The following FOXM1 variants were observed in gnomAD, a reference collection of about 807,000 sequenced individuals.
The protein encoded by FOXM1 is forkhead box M1, also known as forkhead box protein M1.
In FOXM1, 25 loss-of-function variants were observed where a neutral mutation model predicts 63.6. The observed-to-expected ratio is 0.39, with a 90% CI of 0.29 to 0.55. The LOEUF (loss-of-function observed/expected upper bound fraction) is 0.55, where lower values mean the gene tolerates loss of function less well. Among genes scored for constraint, FOXM1 ranks in the 20% least tolerant of loss-of-function variants. The pLI is 0.60. For missense variants in FOXM1, 879 were observed against 958.7 expected, an observed-to-expected ratio of 0.92 and a Z score of 1.10; for synonymous variants, 387 against 376.9, an observed-to-expected ratio of 1.03 and a Z score of -0.31.
intron 8 of FOXM1, among the ~76,000 whole-genome samples, chr12:2,863,282 G>A (rs867223002): frequency 1.3e-4 from 20 of 152,328 alleles, no homozygotes; most frequent in Middle Eastern, 3.4e-3. Flanking sequence ...CCCTGAGTTA[G>A]TCTGACCCAG....
rs758695261 is a variant in FOXM1 at position 2,866,488 on chromosome 12, T to C, written c.880A>G (p.Met294Val). 8 of 1,574,076 alleles carry C rather than the reference T, an allele frequency of 5.1e-6. No homozygotes were observed. The highest frequency in any genetic ancestry group is 6.9e-6 in the Non-Finnish European group (8 of 1,162,548). Residue 294 changes from methionine (M) to valine (V), a missense_variant, in exon 5 of 9, where the codon ATG becomes GTG. Physicochemically the swap from Met to Val is conservative, Grantham distance 21. Transcript: ENST00000359843. ...TTGGCAGACGTCTCCCGGACAAACA[T>C]GTCGTGCAGGGAAAGGTTGTGGCGG... ...SIRHNLSLHDMFVRETSANGK... is the reference protein window; with the variant it reads ...SIRHNLSLHDVFVRETSANGK...
In FOXM1 at chr12:2,872,534, G is replaced by A. The variant is rs1028775858; in HGVS notation, c.503-287C>T. Among the ~76,000 whole-genome samples the A allele has an allele frequency of 4.6e-5, 7 of 152,080 alleles. No individual in the cohort carries two copies. Among genetic ancestry groups the A allele is most frequent in the Admixed American group, 1.3e-4 (2 of 15,254 alleles). ...TGAGACAGGAGAATTGCTCGAACCCGGGAGACGAAGGCTGCAGTGAGCCAA... is the reference window on the plus strand; with the variant it reads ...TGAGACAGGAGAATTGCTCGAACCCAGGAGACGAAGGCTGCAGTGAGCCAA... On this transcript the variant is annotated intron_variant, in intron 2 of 8. Transcript: ENST00000359843. This position sits in a 1 kb window ranked among gnomAD's most constrained non-coding sequence, Gnocchi z 4.0.
intron 4 of FOXM1, among the ~76,000 whole-genome samples, chr12:2,867,544 C>T (rs187487996): frequency 6.6e-6 from 1 of 151,992 alleles, no homozygotes; most frequent in African/African-American, 2.4e-5. Flanking sequence ...CGCCTGTAGT[C>T]CCAGCTACTC....
chr12:2,858,385 T>C lies in FOXM1; in HGVS notation c.*253A>G. On this transcript the variant is annotated 3_prime_UTR_variant, in exon 9 of 9. Transcript: ENST00000359843. The stretch of plus-strand genomic sequence containing the variant: ...ACAGGCTGGGGGGTTCCTAATCTCT[T>C]TTCACCATTGCCTTTGTTGTTCCCA... 2.1e-6 allele frequency: 1 copy of C among 474,662 alleles called. No homozygotes were observed. The highest frequency in any genetic ancestry group is 3.8e-6 in the Non-Finnish European group (1 of 266,334). 29.4% of individuals were successfully genotyped at this position (474,662 alleles called of 1,614,324 possible).
intron 4 of FOXM1, chr12:2,868,235 T>C (rs1301368931): frequency 5.3e-6 from 1 of 187,274 alleles, no homozygotes; most frequent in Non-Finnish European, 1.1e-5. Context: ...ATTTTTTTTT[T>C]TAATCAAGAC....
At position 2,868,745 on chromosome 12, in the gene FOXM1, G is replaced by C. The variant is rs1204401834; in HGVS notation, c.664C>G (p.Pro222Ala). 6.2e-7 allele frequency: 1 copy of C among 1,612,234 alleles called. No homozygotes were observed. Among genetic ancestry groups the C allele is most frequent in the East Asian group, 2.2e-5 (1 of 44,860 alleles). ...LEQRQVKVEE[P>A]SRPSASWQNS... The stretch of plus-strand genomic sequence containing the variant: ...TGCCAGGACGCTGATGGTCTCGAAG[G>C]CTCCTCAACCTGAGGGTTATGACAC... The change falls in exon 4 of 9, where the codon CCT becomes GCT. Residue 222 changes from proline to alanine, a missense_variant. Around this residue, in one of 4 missense-constraint regions of FOXM1, gnomAD observed 255 missense variants for 292.4 expected, o/e 0.87. Coordinates refer to ENST00000359843, the MANE Select transcript of FOXM1 (RefSeq NM_021953.4).
chr12:2,860,025 T>G (rs2098107317), intron 8 of FOXM1, among the ~76,000 whole-genome samples: 1 of 152,004 alleles, frequency 6.6e-6, no homozygotes, highest in African/African-American at 2.4e-5. Context: ...TAAATTTGAC[T>G]GGCTTTAAAA....
chr12:2,869,539 G>A (rs1176195301), intron 3 of FOXM1, among the ~76,000 whole-genome samples: 1 of 150,724 alleles, frequency 6.6e-6, no homozygotes, highest in African/African-American at 2.4e-5. Context: ...GGGTTCAAGC[G>A]ATTCTCCTGC....
Position 2,874,367 on chromosome 12 carries a change from G to C in FOXM1, c.112C>G (p.Gln38Glu). 1 of 1,614,052 alleles carries C rather than the reference G, an allele frequency of 6.2e-7. No homozygotes were observed. Among genetic ancestry groups the C allele is most frequent in the Non-Finnish European group, 8.5e-7 (1 of 1,180,014 alleles). ...SEEEPKRSPA[Q>E]QESNQAEASK... Reference sequence around the variant, plus strand: ...GCCTCTGCTTGATTAGACTCCTGTTGGGCAGGGGATCTCTTAGGTTCCTCC... The same window carrying C: ...GCCTCTGCTTGATTAGACTCCTGTTCGGCAGGGGATCTCTTAGGTTCCTCC... Residue 38 changes from glutamine (Q) to glutamate (E), a missense_variant, in exon 2 of 9, where the codon CAA (glutamine) becomes GAA (glutamate). This residue lies in a region of FOXM1 where 255 missense variants were observed against 292.4 expected (regional missense o/e 0.87). Transcript: ENST00000359843. This position sits in a 1 kb window ranked among gnomAD's most constrained non-coding sequence, Gnocchi z 4.3.
At chr12:2,875,586 A>G (rs1307521848) in intron 1 of FOXM1, among the ~76,000 whole-genome samples, 5 of 152,170 alleles carry the variant, frequency 3.3e-5, no homozygotes, top group Non-Finnish European at 7.3e-5. Flanking sequence ...TAGTACTTGC[A>G]TGTGGTTATA....
Position 2,864,757 on chromosome 12 carries a change from T to C in FOXM1, c.1021-5A>G. 1.2e-6 allele frequency: 2 copies of C among 1,614,048 alleles called. No homozygotes were observed. Among genetic ancestry groups the C allele is most frequent in the Non-Finnish European group, 1.7e-6 (2 of 1,179,950 alleles). On this transcript the variant is annotated splice_region_variant and splice_polypyrimidine_tract_variant and intron_variant, in intron 6 of 8. Coordinates refer to ENST00000359843, the MANE Select transcript of FOXM1 (RefSeq NM_021953.4). This position sits in a 1 kb window ranked among gnomAD's most constrained non-coding sequence, Gnocchi z 5.1. ...TGGATTCGGTCGTTTCTGCTGCTGC[T>C]TGTGGCAGATGGGGAGAGAAAGAAA... is the stretch of plus-strand genomic sequence containing the variant.
At position 2,874,649 on chromosome 12, in the gene FOXM1, C is replaced by T; in HGVS notation, c.-47-124G>A. 1 of 672,008 alleles carries T rather than the reference C, an allele frequency of 1.5e-6. No individual in the cohort carries two copies. The highest frequency in any genetic ancestry group is 2.5e-6 in the Non-Finnish European group (1 of 395,966). 41.6% of individuals were successfully genotyped at this position (672,008 alleles called of 1,614,324 possible). A position where few individuals can be genotyped will look rare whatever the true frequency, so the allele number is the denominator to read the frequency against. ...AGCCTAAAGGCCCAGGTAAACATTC[C>T]ATGGACTTTTGTAAAGACCTCAGAT... On this transcript the variant is annotated intron_variant, in intron 1 of 8. Coordinates refer to ENST00000359843, the MANE Select transcript of FOXM1 (RefSeq NM_021953.4). This position sits in a 1 kb window ranked among gnomAD's most constrained non-coding sequence, Gnocchi z 4.3.
At chr12:2,871,744 A>G (rs917898528) in intron 3 of FOXM1, among the ~76,000 whole-genome samples, 2 of 152,128 alleles carry the variant, frequency 1.3e-5, no homozygotes, top group African/African-American at 4.8e-5. Context: ...GTTGTATTCT[A>G]TTCAATTCAT....
At chr12:2,859,705 A>G in intron 8 of FOXM1, 42 bp from the exon 9 acceptor site, 1 of 1,452,400 alleles carries the variant, frequency 6.9e-7, no homozygotes, top group South Asian at 1.3e-5. Context: ...CGGTCACCAG[A>G]CAGGACGCAC....
At position 2,874,064 on chromosome 12, in the gene FOXM1, C is replaced by T; in HGVS notation, c.415G>A (p.Glu139Lys). 6.2e-7 allele frequency: 1 copy of T among 1,614,150 alleles called. No individual in the cohort carries two copies. The highest frequency in any genetic ancestry group is 8.5e-7 in the Non-Finnish European group (1 of 1,180,042). The change falls in exon 2 of 9, where the codon GAG (glutamate) becomes AAG (lysine). Residue 139 changes from glutamate to lysine, a missense_variant. By Grantham distance (56) the Glu-to-Lys change is moderately conservative. Transcript: ENST00000359843. This position sits in a 1 kb window ranked among gnomAD's most constrained non-coding sequence, Gnocchi z 4.3. ...GCTGCAGGTTTTGGTCCCAAGGTCT[C>T]CAGGGTCACTTCTGTCCTTTTGGCA... The part of the protein sequence containing the change: ...YDAKRTEVTL[E>K]TLGPKPAARD...
At chr12:2,863,329 G>A (rs28990721) in intron 8 of FOXM1, among the ~76,000 whole-genome samples, 3,617 of 152,154 alleles carry the variant, frequency 0.024, 149 homozygotes, top group African/African-American at 0.082. Flanking sequence ...TGCATTTCCC[G>A]CCTCCATGGC....
rs2098139394 is a variant in FOXM1, at chr12:2,874,874, A to C, written c.-47-349T>G. ...TTGCCTACTATAATATAAATAGATC[A>C]CTTGCAATGACTGTATGGACAGAAA... On this transcript the variant is annotated intron_variant, in intron 1 of 8. Coordinates refer to ENST00000359843, the MANE Select transcript of FOXM1 (RefSeq NM_021953.4). The surrounding 1 kb of genome is among the most constrained non-coding windows in gnomAD (Gnocchi z 4.3). 6.6e-6 allele frequency among the ~76,000 whole-genome samples: 1 copy of C among 152,176 alleles called. No homozygotes were observed. Among genetic ancestry groups the C allele is most frequent in the African/African-American group, 2.4e-5 (1 of 41,440 alleles).
intron 2 of FOXM1, among the ~76,000 whole-genome samples, chr12:2,873,055 A>G (rs1053860869): frequency 6.6e-6 from 1 of 152,136 alleles, no homozygotes; most frequent in African/African-American, 2.4e-5. Flanking sequence ...CCGCATCTCT[A>G]AAGAAAAAGT....
intron 8 of FOXM1, 124 bp from the exon 9 acceptor site, chr12:2,859,787 T>G: frequency 1.4e-6 from 1 of 704,814 alleles, no homozygotes; most frequent in Non-Finnish European, 2.3e-6. Flanking sequence ...AATATGAGAA[T>G]ACGATGTATG....
Sources: allele counts gnomAD v4.1 joint callset (sites outside exome capture counted in the v4.1 genomes callset), GRCh38; gene constraint gnomAD v4.1.1; regional missense constraint gnomAD v4.1.1; non-coding constraint Gnocchi (gnomAD v3.1); transcripts MANE v1.5; gene names NCBI Gene and HGNC (gene_info 2026-07-23, HGNC 2026-07-21).